Variants in PTCHD4 observed in about 807,000 individuals in gnomAD.
PTCHD4 encodes patched domain containing 4, also known as patched domain-containing protein 4.
In PTCHD4, 33 loss-of-function variants were observed where a neutral mutation model predicts 58.1. That is an observed-to-expected ratio of 0.57 (90% CI 0.43 to 0.76). The LOEUF is 0.76. PTCHD4 is among the 30% of genes least tolerant of loss of function. The pLI is 0.00. For synonymous variants in PTCHD4, 478 were observed against 409.6 expected, an observed-to-expected ratio of 1.17 and a Z score of -2.02; for missense variants, 1,058 against 1,027.1, an observed-to-expected ratio of 1.03 and a Z score of -0.41.
At chr6:47,946,991 C>A (rs564842446) in intron 4 of PTCHD4, among the ~76,000 whole-genome samples, 1 of 152,120 alleles carries the variant, frequency 6.6e-6, no homozygotes, top group East Asian at 1.9e-4. Context: ...TGTGCACCAC[C>A]GTGCCCAACT....
At chr6:48,010,533 A>T (rs1250995671) in intron 3 of PTCHD4, among the ~76,000 whole-genome samples, 1 of 152,156 alleles carries the variant, frequency 6.6e-6, no homozygotes, top group Non-Finnish European at 1.5e-5. Context: ...AAAAGTTTAC[A>T]ATATTTACAG....
chr6:47,889,317 C>A (rs1371061925), intron 4 of PTCHD4, among the ~76,000 whole-genome samples: 1 of 130,092 alleles, frequency 7.7e-6, no homozygotes, highest in Non-Finnish European at 1.6e-5. Context: ...TCTCCAGCAC[C>A]TGTTGTTTCC....
intron 4 of PTCHD4, among the ~76,000 whole-genome samples, chr6:47,998,942 T>G (rs1007392468): frequency 2.6e-5 from 4 of 152,162 alleles, no homozygotes; most frequent in Admixed American, 2.6e-4. Context: ...AACCAAAAGT[T>G]AAGACTTTTC....
chr6:47,951,369 CTG>C (rs1456722812), intron 4 of PTCHD4, among the ~76,000 whole-genome samples: 7 of 152,184 alleles, frequency 4.6e-5, no homozygotes, highest in Non-Finnish European at 1.0e-4. Flanking sequence ...CTCTAAGACA[CTG>C]TGTGTTTATC....
chr6:47,872,651 G>A lies in PTCHD4; in HGVS notation c.*5652C>T, dbSNP rs1358965645. ...TTTCAACTGGGGAAAAATAGTAGAA[G>A]CTGGCTTTCTATAATTTAAGATAGT... On this transcript the variant is annotated 3_prime_UTR_variant, in exon 5 of 5. Coordinates refer to ENST00000339488, the MANE Select transcript of PTCHD4 (RefSeq NM_001384253.1). 1.3e-5 allele frequency among the ~76,000 whole-genome samples: 2 copies of A among 151,572 alleles called. No individual in the cohort carries two copies. Among genetic ancestry groups the A allele is most frequent in the African/African-American group, 2.4e-5 (1 of 41,340 alleles).
At chr6:47,887,577 A>C (rs2114115671) in intron 4 of PTCHD4, among the ~76,000 whole-genome samples, 1 of 152,346 alleles carries the variant, frequency 6.6e-6, no homozygotes, top group African/African-American at 2.4e-5. Context: ...TGGCTGGTTC[A>C]GGATTATGGA....
At chr6:47,978,228 T>A (rs1292413299) in intron 4 of PTCHD4, among the ~76,000 whole-genome samples, 3 of 152,156 alleles carry the variant, frequency 2.0e-5, no homozygotes, top group Admixed American at 1.3e-4. Context: ...TGAGATTTAG[T>A]GTCCTTCTGA....
chr6:48,100,117 A>G (rs1355874090), intron 1 of PTCHD4, among the ~76,000 whole-genome samples: 2 of 152,216 alleles, frequency 1.3e-5, no homozygotes, highest in Non-Finnish European at 2.9e-5. Context: ...AATTCAGGTG[A>G]TATCAACATG....
At chr6:47,922,832 C>A (rs1228570792) in intron 4 of PTCHD4, among the ~76,000 whole-genome samples, 1 of 152,164 alleles carries the variant, frequency 6.6e-6, no homozygotes, top group African/African-American at 2.4e-5. Context: ...GTTTTCCTTG[C>A]CTAAAAATGG....
In PTCHD4 at chr6:47,866,091, ATC is replaced by A. The variant is rs1262279144; in HGVS notation, c.*12210_*12211del. 6.6e-6 allele frequency among the ~76,000 whole-genome samples: 1 copy of A among 151,876 alleles called. No individual in the cohort carries two copies. Among genetic ancestry groups the A allele is most frequent in the Non-Finnish European group, 1.5e-5 (1 of 67,878 alleles). On this transcript the variant is annotated 3_prime_UTR_variant, in exon 5 of 5. Transcript: ENST00000339488. ...ACCAGGTTTGGCTCTACTAGAAATC[ATC>A]TCTCTACCCTCTGGATATCTCCTTT... is the stretch of plus-strand genomic sequence containing the variant.
chr6:48,044,229 A>G (rs866622192), intron 3 of PTCHD4, among the ~76,000 whole-genome samples: 1 of 151,868 alleles, frequency 6.6e-6, no homozygotes, highest in Non-Finnish European at 1.5e-5. Flanking sequence ...CTCCTGTCAG[A>G]AAGTTTTGAC....
intron 4 of PTCHD4, among the ~76,000 whole-genome samples, chr6:47,925,574 G>A (rs1256459817): frequency 6.6e-6 from 1 of 152,162 alleles, no homozygotes; most frequent in African/African-American, 2.4e-5. Context: ...CTGACTTGCT[G>A]CAATCCTAAA....
intron 4 of PTCHD4, among the ~76,000 whole-genome samples, chr6:47,909,863 C>T (rs1765015752): frequency 6.6e-6 from 1 of 152,098 alleles, no homozygotes; most frequent in Admixed American, 6.6e-5. Flanking sequence ...TAATATTATA[C>T]ATCATAGCCC....
chr6:47,963,251 T>A (rs1767165212), intron 4 of PTCHD4, among the ~76,000 whole-genome samples: 1 of 151,864 alleles, frequency 6.6e-6, no homozygotes, highest in Non-Finnish European at 1.5e-5. Context: ...TGCTCAATAA[T>A]CACTAAATCA....
intron 4 of PTCHD4, among the ~76,000 whole-genome samples, chr6:47,938,338 A>G (rs985280748): frequency 1.3e-5 from 2 of 152,052 alleles, no homozygotes; most frequent in African/African-American, 4.8e-5. Flanking sequence ...ATGTCTAACA[A>G]TTTTTCAGAT....
chr6:47,967,251 C>T (rs564652099), intron 4 of PTCHD4, among the ~76,000 whole-genome samples: 15 of 152,236 alleles, frequency 9.9e-5, no homozygotes, highest in Non-Finnish European at 1.9e-4. Context: ...GACGCATTGT[C>T]GATTTGCAGT....
intron 4 of PTCHD4, among the ~76,000 whole-genome samples, chr6:47,985,669 A>T (rs1305102279): frequency 6.6e-6 from 1 of 151,962 alleles, no homozygotes; most frequent in Non-Finnish European, 1.5e-5. Context: ...ATAATTTTTT[A>T]TTGCCATGCC....
At chr6:47,948,869 C>T (rs1766516520) in intron 4 of PTCHD4, among the ~76,000 whole-genome samples, 1 of 152,158 alleles carries the variant, frequency 6.6e-6, no homozygotes, top group Non-Finnish European at 1.5e-5. Flanking sequence ...ACTGTCCCCT[C>T]CTTACCCTCT....
At chr6:47,933,648 T>C (rs1351952563) in intron 4 of PTCHD4, among the ~76,000 whole-genome samples, 2 of 152,184 alleles carry the variant, frequency 1.3e-5, no homozygotes, top group African/African-American at 4.8e-5. Flanking sequence ...AGTCAATTAA[T>C]TACTGAAAAA....
Sources: gnomAD v4.1 joint callset for allele counts (sites outside exome capture counted in the v4.1 genomes callset) on GRCh38, gnomAD v4.1.1 for gene constraint, MANE v1.5 for transcripts, NCBI Gene and HGNC (gene_info 2026-07-23, HGNC 2026-07-21) for gene names.